KCNH7: variants seen among roughly 807,000 people sequenced by gnomAD.
KCNH7 encodes voltage-gated inwardly rectifying potassium channel KCNH7.
In KCNH7, 49 loss-of-function variants were observed where a neutral mutation model predicts 120.8. The observed-to-expected ratio is 0.41, with a 90% CI of 0.32 to 0.51. KCNH7 has a LOEUF of 0.51. Among genes scored for constraint, KCNH7 ranks in the 20% least tolerant of loss-of-function variants. KCNH7 has a pLI of 0.38. For missense variants in KCNH7, 1,097 were observed against 1,446.6 expected (o/e 0.76, Z 3.92); for synonymous variants, 547 against 516.1 (o/e 1.06, Z -0.81).
At chr2:162,583,457 A>T (rs1456310887) in intron 2 of KCNH7, among the ~76,000 whole-genome samples, 1 of 152,098 alleles carries the variant, frequency 6.6e-6, no homozygotes, top group Admixed American at 6.6e-5. Flanking sequence ...GAAATTCACT[A>T]AACTATCACA....
chr2:162,831,994 C>T (rs1685494347), intron 2 of KCNH7, among the ~76,000 whole-genome samples: 1 of 151,978 alleles, frequency 6.6e-6, no homozygotes, highest in Admixed American at 6.6e-5. Context: ...CTTAAGAATG[C>T]CTATTTTATC....
chr2:162,780,470 A>G lies in KCNH7; in HGVS notation c.307+56067T>C, dbSNP rs572545584. Among the ~76,000 whole-genome samples the G allele has an allele frequency of 3.9e-5, 6 of 152,314 alleles. No individual in the cohort carries two copies. In the East Asian group the frequency reaches 1.2e-3, roughly 29 times the overall value. On this transcript the variant is annotated intron_variant, in intron 2 of 15. Transcript: ENST00000332142. ...ACAGCGTGCCAGCCAGTGCTAGGGT[A>G]GTTGTACAATCAATATCTAGAAACA...
At chr2:162,599,545 T>G (rs1338505220) in intron 2 of KCNH7, among the ~76,000 whole-genome samples, 1 of 151,988 alleles carries the variant, frequency 6.6e-6, no homozygotes, top group Non-Finnish European at 1.5e-5. Context: ...AAAAGCTTTG[T>G]ATTCCAAAAT....
At chr2:162,531,722 G>C (rs1255208085) in intron 3 of KCNH7, among the ~76,000 whole-genome samples, 1 of 151,712 alleles carries the variant, frequency 6.6e-6, no homozygotes, top group Non-Finnish European at 1.5e-5. Flanking sequence ...GTATAATATT[G>C]TTCAGGGAAA....
intron 9 of KCNH7, among the ~76,000 whole-genome samples, chr2:162,423,078 A>G (rs1215746032): frequency 6.6e-6 from 1 of 152,198 alleles, no homozygotes; most frequent in African/African-American, 2.4e-5. Context: ...CTCTCTCACC[A>G]GAAGTGGGAA....
At chr2:162,771,410 A>G (rs1683050687) in intron 2 of KCNH7, among the ~76,000 whole-genome samples, 1 of 151,902 alleles carries the variant, frequency 6.6e-6, no homozygotes, top group African/African-American at 2.4e-5. Flanking sequence ...CTCTATCCCA[A>G]CTTCTAGATG....
At chr2:162,391,576 G>A (rs1358125997) in intron 12 of KCNH7, among the ~76,000 whole-genome samples, 3 of 151,982 alleles carry the variant, frequency 2.0e-5, no homozygotes, top group African/African-American at 4.8e-5. Context: ...CACTTTATAC[G>A]AATTTGATCT....
intron 14 of KCNH7, 95 bp downstream of exon 14, chr2:162,379,758 A>T (rs1686343479): frequency 8.4e-7 from 1 of 1,195,868 alleles, no homozygotes; most frequent in Admixed American, 2.2e-5. Flanking sequence ...AAATTATGAG[A>T]TCATGGCAAG....
chr2:162,666,195 A>G (rs1685126682), intron 2 of KCNH7, among the ~76,000 whole-genome samples: 1 of 152,014 alleles, frequency 6.6e-6, no homozygotes, highest in Admixed American at 6.6e-5. Context: ...TTGGTTTGCA[A>G]TCACTTCTAT....
At chr2:162,613,988 A>G (rs1683058569) in intron 2 of KCNH7, among the ~76,000 whole-genome samples, 1 of 151,970 alleles carries the variant, frequency 6.6e-6, no homozygotes, top group Admixed American at 6.6e-5. Context: ...AGAAAGCCAA[A>G]TAAACAGAGT....
chr2:162,744,316 A>G (rs1688235784), intron 2 of KCNH7, among the ~76,000 whole-genome samples: 1 of 152,180 alleles, frequency 6.6e-6, no homozygotes, highest in Admixed American at 6.5e-5. Flanking sequence ...AACAAATGTT[A>G]ATTTTTGATA....
At chr2:162,689,988 C>T (rs1371192240) in intron 2 of KCNH7, among the ~76,000 whole-genome samples, 2 of 151,970 alleles carry the variant, frequency 1.3e-5, no homozygotes, top group Admixed American at 1.3e-4. Flanking sequence ...TAAATGCTCA[C>T]CAATGATAGA....
At chr2:162,402,550 C>T (rs1687095937) in intron 9 of KCNH7, among the ~76,000 whole-genome samples, 1 of 151,224 alleles carries the variant, frequency 6.6e-6, no homozygotes, top group Non-Finnish European at 1.5e-5. Flanking sequence ...TTCTAAGTAG[C>T]CCCATGCAGA....
At chr2:162,392,870 C>G (rs577463423) in intron 12 of KCNH7, among the ~76,000 whole-genome samples, 1 of 150,498 alleles carries the variant, frequency 6.6e-6, no homozygotes, top group South Asian at 2.1e-4. Flanking sequence ...ATGTAGGTGA[C>G]ATAAACATAG....
At chr2:162,575,581 C>A (rs2105906793) in intron 2 of KCNH7, among the ~76,000 whole-genome samples, 1 of 152,124 alleles carries the variant, frequency 6.6e-6, no homozygotes, top group African/African-American at 2.4e-5. Flanking sequence ...CCCCATGTTT[C>A]CTGAATGTTA....
intron 2 of KCNH7, among the ~76,000 whole-genome samples, chr2:162,662,534 T>C (rs1684999499): frequency 6.6e-6 from 1 of 152,208 alleles, no homozygotes; most frequent in African/African-American, 2.4e-5. Flanking sequence ...GCCAAAAAAG[T>C]CTTTGATTGT....
At chr2:162,764,686 A>C (rs1164685173) in intron 2 of KCNH7, among the ~76,000 whole-genome samples, 1 of 152,208 alleles carries the variant, frequency 6.6e-6, no homozygotes, top group African/African-American at 2.4e-5. Context: ...TGCCTTAAAA[A>C]ATCAATTCAT....
At chr2:162,807,272 A>AAAAAAAAAAAAAAC (rs1559143065) in intron 2 of KCNH7, among the ~76,000 whole-genome samples, 7 of 119,018 alleles carry the variant, frequency 5.9e-5, no homozygotes, top group Admixed American at 2.9e-4. Flanking sequence ...AAAAAAAAAA[A>AAAAAAAAAAAAAAC]AAAAAAAAAA....
intron 8 of KCNH7, among the ~76,000 whole-genome samples, chr2:162,425,354 A>T (rs1687825215): frequency 6.6e-6 from 1 of 152,046 alleles, no homozygotes; most frequent in Admixed American, 6.6e-5. Flanking sequence ...AATACAGGAG[A>T]TCTCTAGTGA....
Sources: allele counts gnomAD v4.1 joint callset (sites outside exome capture counted in the v4.1 genomes callset), GRCh38; gene constraint gnomAD v4.1.1; transcripts MANE v1.5; gene names NCBI Gene and HGNC (gene_info 2026-07-23, HGNC 2026-07-21).